Variants in SYNE1 observed in about 807,000 individuals in gnomAD.
The protein encoded by SYNE1 is spectrin repeat containing nuclear envelope protein 1, also known as nesprin-1.
In SYNE1, 616 loss-of-function variants were observed where a neutral mutation model predicts 1,111.0. The ratio of observed to expected loss-of-function variants is 0.55; its 90% confidence interval spans 0.52 to 0.59. The LOEUF (loss-of-function observed/expected upper bound fraction) is 0.59. SYNE1 is among the 20% of genes least tolerant of loss of function. The pLI, the probability that SYNE1 is intolerant of heterozygous loss-of-function variation, is 0.00. For synonymous variants in SYNE1, 3,855 were observed against 3,825.8 expected (o/e 1.01, Z -0.28); for missense variants, 10,006 against 10,417.0 (o/e 0.96, Z 1.72).
At chr6:152,568,574 A>G (rs191522950) in intron 3 of SYNE1, among the ~76,000 whole-genome samples, 46 of 152,226 alleles carry the variant, frequency 3.0e-4, no homozygotes, top group Non-Finnish European at 2.6e-4. Flanking sequence ...AAGTGCTGGG[A>G]TTACAGGCAT....
intron 46 of SYNE1, 135 bp downstream of exon 46, chr6:152,404,078 G>C (rs1156809251): frequency 1.9e-6 from 1 of 524,890 alleles, no homozygotes; most frequent in Non-Finnish European, 3.3e-6. Context: ...ATCAGATATA[G>C]ATATATACGA....
chr6:152,326,752 C>A, intron 78 of SYNE1, 119 bp from the exon 79 acceptor site: 3 of 913,338 alleles, frequency 3.3e-6, no homozygotes, highest in South Asian at 1.5e-5. Context: ...TGTGTAAGTG[C>A]ATTGATAAGT....
intron 86 of SYNE1, 146 bp downstream of exon 86, chr6:152,317,935 G>T: frequency 9.6e-7 from 1 of 1,045,388 alleles, no homozygotes; most frequent in Non-Finnish European, 1.4e-6. Context: ...AGGATCACAA[G>T]TGTAGCATGA....
At position 152,428,349 on chromosome 6, in the gene SYNE1, G is replaced by C. The variant is rs1034301930; in HGVS notation, c.4832C>G (p.Ala1611Gly). 6.2e-7 allele frequency: 1 copy of C among 1,613,906 alleles called. No individual in the cohort carries two copies. Among genetic ancestry groups the C allele is most frequent in the Non-Finnish European group, 8.5e-7 (1 of 1,180,042 alleles). The change falls in exon 37 of 146, where the codon GCC becomes GGC. Residue 1611 changes from alanine to glycine, a missense_variant. Coordinates refer to ENST00000367255, the MANE Select transcript of SYNE1 (RefSeq NM_182961.4). ...AACCTTCCTGGCACTGGCTGAGAAG[G>C]CAGTGATCGCGCTGCTCAGTGACTC... is the stretch of plus-strand genomic sequence containing the variant. Reference protein sequence around the residue: ...ALESLSSAITAFSASARKVVN... With the variant: ...ALESLSSAITGFSASARKVVN...
intron 6 of SYNE1, among the ~76,000 whole-genome samples, chr6:152,511,790 T>C (rs1489316135): frequency 6.6e-6 from 1 of 152,126 alleles, no homozygotes; most frequent in Admixed American, 6.5e-5. Context: ...TACTTTTGGG[T>C]GATGACATAT....
At chr6:152,480,556 A>G (rs1306558463) in intron 14 of SYNE1, among the ~76,000 whole-genome samples, 1 of 152,184 alleles carries the variant, frequency 6.6e-6, no homozygotes. Context: ...TTCACCCTCA[A>G]AGCTTAGCTT....
chr6:152,376,251 G>A (rs776664171), intron 58 of SYNE1, 130 bp downstream of exon 58: 4 of 905,482 alleles, frequency 4.4e-6, no homozygotes, highest in Non-Finnish European at 7.1e-6. Flanking sequence ...ACCTCCTGCT[G>A]TGCGGCCTGG....
intron 116 of SYNE1, 63 bp downstream of exon 116, chr6:152,225,658 C>G: frequency 6.2e-7 from 1 of 1,607,450 alleles, no homozygotes; most frequent in Non-Finnish European, 8.5e-7. Context: ...AAAACCAAAA[C>G]CCAGAGTTTG....
In SYNE1 at chr6:152,310,864, C is replaced by G; in HGVS notation, c.16720G>C (p.Glu5574Gln). 6.2e-7 allele frequency: 1 copy of G among 1,613,702 alleles called. No individual in the cohort carries two copies. The highest frequency in any genetic ancestry group is 8.5e-7 in the Non-Finnish European group (1 of 1,179,938). The change falls in exon 88 of 146, where the codon GAA (glutamate) becomes CAA (glutamine). Residue 5574 changes from glutamate (E) to glutamine (Q), a missense_variant. Transcript: ENST00000367255. Reference sequence around the variant, plus strand: ...TCACTGTCAATTTCTTTGGATTCTTCTAGCAGGGTCTAGAGTGAATTGTCA... The same window carrying G: ...TCACTGTCAATTTCTTTGGATTCTTGTAGCAGGGTCTAGAGTGAATTGTCA... ...EQYILHQTLLEESKEIDSELE... is the reference protein window; with the variant it reads ...EQYILHQTLLQESKEIDSELE...
chr6:152,572,328 T>C (rs2099465955), intron 3 of SYNE1, among the ~76,000 whole-genome samples: 1 of 152,130 alleles, frequency 6.6e-6, no homozygotes, highest in South Asian at 2.1e-4. Flanking sequence ...TAAAGGAGGG[T>C]CCATTAATTA....
chr6:152,269,991 G>T (rs1031104393), intron 98 of SYNE1, among the ~76,000 whole-genome samples: 2 of 152,058 alleles, frequency 1.3e-5, no homozygotes, highest in African/African-American at 2.4e-5. Context: ...CACAGACCAG[G>T]TCTTGACCTC....
intron 49 of SYNE1, among the ~76,000 whole-genome samples, chr6:152,397,423 C>T (rs545376585): frequency 2.0e-5 from 3 of 152,250 alleles, no homozygotes; most frequent in South Asian, 2.1e-4. Flanking sequence ...TTGGACAGGG[C>T]TTTGACAAAG....
rs963252462 is a variant in SYNE1, at chr6:152,301,923, C to T, written c.17487G>A (p.Glu5829=). 3 of 1,614,058 alleles carry T rather than the reference C, an allele frequency of 1.9e-6. No homozygotes were observed. Among genetic ancestry groups the T allele is most frequent in the Admixed American group, 1.7e-5 (1 of 60,012 alleles). ...TEVEGLAEGT[E]DLDGELLPTP... is the part of the protein sequence containing the mutation. ...TGGGGAGGAGCTCCCCATCCAGGTC[C>T]TCTGTCCCTTCCGCCAGCCCCTCGA... is the stretch of plus-strand genomic sequence containing the variant. The change falls in exon 92 of 146, where the codon GAG becomes GAA. Residue 5829 remains glutamate, a synonymous_variant. Coordinates refer to ENST00000367255, the MANE Select transcript of SYNE1 (RefSeq NM_182961.4).
At chr6:152,247,885 CACACAT>C (rs2087881257) in intron 105 of SYNE1, among the ~76,000 whole-genome samples, 2 of 147,546 alleles carry the variant, frequency 1.4e-5, no homozygotes, top group African/African-American at 5.0e-5. Flanking sequence ...CACACACACA[CACACAT>C]ATTATATGTC....
At chr6:152,292,841 C>A (rs749597223) in intron 95 of SYNE1, among the ~76,000 whole-genome samples, 2 of 152,178 alleles carry the variant, frequency 1.3e-5, no homozygotes, top group African/African-American at 4.8e-5. Context: ...TCCTACCTCA[C>A]GGTGATGAAT....
In SYNE1 at chr6:152,344,156, G is replaced by C; in HGVS notation, c.12150C>G (p.Ala4050=). 6.2e-7 allele frequency: 1 copy of C among 1,614,246 alleles called. No individual in the cohort carries two copies. Among genetic ancestry groups the C allele is most frequent in the Non-Finnish European group, 8.5e-7 (1 of 1,180,036 alleles). ...AATCCGGCTGGACTGCAGAAAGCCA[G>C]GCCTGGCACTGCTGCAGGGTGTCTT... is the stretch of plus-strand genomic sequence containing the variant. ...SRQDTLQQCQ[A]WLSAVQPDLE... The change falls in exon 74 of 146, where the codon GCC becomes GCG. Residue 4050 remains alanine (A), a synonymous_variant. Coordinates refer to ENST00000367255, the MANE Select transcript of SYNE1 (RefSeq NM_182961.4).
intron 67 of SYNE1, among the ~76,000 whole-genome samples, chr6:152,354,273 A>ATG (rs1218235063): frequency 6.6e-6 from 1 of 152,250 alleles, no homozygotes; most frequent in Non-Finnish European, 1.5e-5. Context: ...ATTATTTTAG[A>ATG]TGTGTGCACT....
chr6:152,312,209 C>G (rs2095573267), intron 87 of SYNE1, among the ~76,000 whole-genome samples: 1 of 80,196 alleles, frequency 1.2e-5, no homozygotes, highest in Admixed American at 1.9e-4. Flanking sequence ...ATATATTTAT[C>G]TTTTTTTTTT....
chr6:152,339,436 G>C, intron 74 of SYNE1, 70 bp from the exon 75 acceptor site: 3 of 1,589,952 alleles, frequency 1.9e-6, no homozygotes, highest in Non-Finnish European at 2.6e-6. Flanking sequence ...TGTATCATTT[G>C]GAATATTCTG....
Sources: gnomAD v4.1 joint callset for allele counts (sites outside exome capture counted in the v4.1 genomes callset) on GRCh38, gnomAD v4.1.1 for gene constraint, MANE v1.5 for transcripts, NCBI Gene and HGNC (gene_info 2026-07-23, HGNC 2026-07-21) for gene names.